RIPOR2: variants seen among roughly 807,000 people sequenced by gnomAD.
RIPOR2 encodes the protein rho family-interacting cell polarization regulator 2.
In RIPOR2, 39 loss-of-function variants were observed where a neutral mutation model predicts 114.5. That is an observed-to-expected ratio of 0.34 (90% confidence interval 0.26 to 0.44). The LOEUF is 0.44. Ranked by LOEUF, RIPOR2 falls within the 20% of genes least tolerant of loss-of-function variation. The pLI is 1.00. For missense variants in RIPOR2, 1,007 were observed against 1,255.1 expected, an observed-to-expected ratio of 0.80 and a Z score of 2.99; for synonymous variants, 445 against 484.4, an observed-to-expected ratio of 0.92 and a Z score of 1.07.
intron 4 of RIPOR2, among the ~76,000 whole-genome samples, chr6:24,871,322 G>A (rs1765146359): frequency 6.6e-6 from 1 of 152,204 alleles, no homozygotes; most frequent in Non-Finnish European, 1.5e-5. Flanking sequence ...CTGCCTCGCT[G>A]TCTAAACAAA....
rs1763709000 is a variant in RIPOR2, at chr6:24,858,441, T to C, written c.715+2532A>G. Reference sequence around the variant, plus strand: ...AATAGTCTGTTTGTCAATATGTATGTTGGAAGTAGTTTTTACCAGAATGAG... The same window carrying C: ...AATAGTCTGTTTGTCAATATGTATGCTGGAAGTAGTTTTTACCAGAATGAG... On this transcript the variant is annotated intron_variant, in intron 8 of 21. Coordinates refer to ENST00000643898, the MANE Select transcript of RIPOR2 (RefSeq NM_001286445.3). The surrounding 1 kb of genome is among the most constrained non-coding windows in gnomAD (Gnocchi z 4.0). Among the ~76,000 whole-genome samples the C allele has an allele frequency of 6.6e-6, 1 of 152,138 alleles. No individual in the cohort carries two copies. The highest frequency in any genetic ancestry group is 6.6e-5 in the Admixed American group (1 of 15,266).
At chr6:24,941,513 CA>C (rs1772133252) in intron 1 of RIPOR2, among the ~76,000 whole-genome samples, 1 of 152,250 alleles carries the variant, frequency 6.6e-6, no homozygotes, top group Non-Finnish European at 1.5e-5. Context: ...TAATAATAAT[CA>C]ATTACTGAGT....
chr6:24,873,107 C>A, intron 3 of RIPOR2, 148 bp from the exon 4 acceptor site: 1 of 605,834 alleles, frequency 1.7e-6, no homozygotes, highest in Non-Finnish European at 2.9e-6. Context: ...CCCAGTCTTT[C>A]AACATTTTGA....
chr6:24,873,708 G>A lies in RIPOR2; in HGVS notation c.280C>T (p.Pro94Ser), dbSNP rs368504986. 1.8e-4 allele frequency: 297 copies of A among 1,613,596 alleles called. No individual in the cohort carries two copies. The highest frequency in any genetic ancestry group is 2.3e-4 in the Non-Finnish European group (267 of 1,179,806). ...CTTTTAGGCTGAGGCTCTTTGGGGG[G>A]ATTGTTGTTTTTGTGGCCTAAATTG... ...MHNLGHKNNNPPKEPQPKRVE... is the reference protein window; with the variant it reads ...MHNLGHKNNNSPKEPQPKRVE... The change falls in exon 3 of 22, where the codon CCC (proline) becomes TCC (serine). Residue 94 changes from proline to serine, a missense_variant. Transcript: ENST00000643898.
At chr6:25,005,738 T>TATATATATACACATACATAC (rs34572978) in intron 1 of RIPOR2, among the ~76,000 whole-genome samples, 1 of 70,700 alleles carries the variant, frequency 1.4e-5, no homozygotes, top group Non-Finnish European at 3.3e-5. Flanking sequence ...TATATATATA[T>TATATATATACACATACATAC]ATACATTTAC....
intron 1 of RIPOR2, among the ~76,000 whole-genome samples, chr6:24,897,215 C>T (rs2113996867): frequency 6.6e-6 from 1 of 152,362 alleles, no homozygotes; most frequent in African/African-American, 2.4e-5. Context: ...ATGTCTTTCA[C>T]AAATGACAGG....
chr6:24,982,886 C>T (rs1286036936), intron 1 of RIPOR2, among the ~76,000 whole-genome samples: 1 of 152,120 alleles, frequency 6.6e-6, no homozygotes, highest in Non-Finnish European at 1.5e-5. Context: ...TGTTTAAAGA[C>T]ATGTTGTTAT....
chr6:24,809,892 C>T (rs1010694597), intron 20 of RIPOR2, 85 bp from the exon 21 acceptor site: 2 of 881,326 alleles, frequency 2.3e-6, no homozygotes, highest in East Asian at 2.7e-5. Flanking sequence ...CTGGTGGGAA[C>T]TTTAGCCTCA....
intron 1 of RIPOR2, among the ~76,000 whole-genome samples, chr6:24,997,367 C>T (rs1283135926): frequency 1.3e-5 from 2 of 152,086 alleles, no homozygotes; most frequent in African/African-American, 4.8e-5. Context: ...TAGTATTTGG[C>T]CCAGAAAGAG....
intron 1 of RIPOR2, among the ~76,000 whole-genome samples, chr6:24,896,918 TA>T (rs1767936832): frequency 6.6e-6 from 1 of 151,996 alleles, no homozygotes; most frequent in Admixed American, 6.6e-5. Flanking sequence ...AATAGATAAA[TA>T]AATAAATAAA....
intron 1 of RIPOR2, among the ~76,000 whole-genome samples, chr6:24,944,242 G>T (rs899470091): frequency 2.0e-4 from 30 of 152,218 alleles, no homozygotes; most frequent in African/African-American, 7.2e-4. Flanking sequence ...GGCTAAGGCA[G>T]AGTTGTAAAG....
At chr6:24,910,962 C>T in intron 1 of RIPOR2, 3 of 985,314 alleles carry the variant, frequency 3.0e-6, no homozygotes, top group Non-Finnish European at 3.6e-6. Context: ...GTGAAGGGGA[C>T]CCCGGGAGGA....
chr6:24,877,381 T>C (rs1322952267), intron 1 of RIPOR2: 1 of 984,878 alleles, frequency 1.0e-6, no homozygotes, highest in Non-Finnish European at 1.2e-6. Flanking sequence ...CTCACTTGGC[T>C]ACAGGTATGG....
intron 1 of RIPOR2, among the ~76,000 whole-genome samples, chr6:24,896,802 C>T (rs1767925824): frequency 6.6e-6 from 1 of 152,126 alleles, no homozygotes; most frequent in Admixed American, 6.5e-5. Flanking sequence ...ACTCGGGAGG[C>T]TGAGGCACAA....
intron 1 of RIPOR2, among the ~76,000 whole-genome samples, chr6:24,954,771 C>CTT (rs138097901): frequency 0.017 from 2,527 of 152,178 alleles, 35 homozygotes; most frequent in Non-Finnish European, 0.031. Flanking sequence ...TTAATAGTGG[C>CTT]TTCTCATGGC....
At chr6:25,019,596 A>T (rs1776198437) in intron 1 of RIPOR2, among the ~76,000 whole-genome samples, 1 of 151,522 alleles carries the variant, frequency 6.6e-6, no homozygotes, top group Admixed American at 6.6e-5. Context: ...GGTAAAAAAA[A>T]AACCCCTCTC....
At chr6:24,806,617 T>C (rs779358474) in intron 21 of RIPOR2, 144 bp from the exon 22 acceptor site, 1 of 606,490 alleles carries the variant, frequency 1.6e-6, no homozygotes, top group East Asian at 3.0e-5. Context: ...TCTTTTGTTA[T>C]TCCTAATTAT....
chr6:24,872,065 G>C (rs1277626723), intron 4 of RIPOR2, among the ~76,000 whole-genome samples: 1 of 152,188 alleles, frequency 6.6e-6, no homozygotes, highest in Non-Finnish European at 1.5e-5. Flanking sequence ...TGAATGTCTA[G>C]CTGCACCTCC....
chr6:24,884,396 G>A (rs1216439336), intron 1 of RIPOR2, among the ~76,000 whole-genome samples: 1 of 152,096 alleles, frequency 6.6e-6, no homozygotes, highest in East Asian at 1.9e-4. Context: ...GCGACAGAGC[G>A]AGACTCCATC....
Sources: allele counts gnomAD v4.1 joint callset (sites outside exome capture counted in the v4.1 genomes callset), GRCh38; gene constraint gnomAD v4.1.1; non-coding constraint Gnocchi (gnomAD v3.1); transcripts MANE v1.5; gene names NCBI Gene and HGNC (gene_info 2026-07-23, HGNC 2026-07-21).